KCNT1: variants seen among roughly 807,000 people sequenced by gnomAD.
KCNT1 encodes potassium sodium-activated channel subfamily T member 1, also known as potassium channel subfamily T member 1.
Under a neutral mutation model 147.8 loss-of-function variants are expected in KCNT1, and 78 were observed. The ratio of observed to expected loss-of-function variants is 0.53; its 90% CI spans 0.44 to 0.64. The LOEUF is 0.64. KCNT1 is among the 30% of genes least tolerant of loss of function. The pLI is 0.00. For synonymous variants in KCNT1, 867 were observed against 748.8 expected (o/e 1.16, Z -2.58); for missense variants, 1,419 against 1,750.3 (o/e 0.81, Z 3.38).
rs1465062344 is a variant in KCNT1, at chr9:135,730,769, C to T, written c.254+16049C>T. Reference sequence around the variant, plus strand: ...GGGAGGCCAAGGCAGGCAGATCTCTCGAGCTCAGGAGTTCCAGACCAGCCT... The same window carrying T: ...GGGAGGCCAAGGCAGGCAGATCTCTTGAGCTCAGGAGTTCCAGACCAGCCT... On this transcript the variant is annotated intron_variant, in intron 2 of 30. Coordinates refer to ENST00000371757, the MANE Select transcript of KCNT1 (RefSeq NM_020822.3). The surrounding 1 kb of genome is among the most constrained non-coding windows in gnomAD (Gnocchi z 4.7). Among the ~76,000 whole-genome samples, 2 of 151,966 alleles carry T rather than the reference C, an allele frequency of 1.3e-5. No individual in the cohort carries two copies. The highest frequency in any genetic ancestry group is 2.4e-5 in the African/African-American group (1 of 41,350).
chr9:135,772,776 CG>C lies in KCNT1; in HGVS notation c.2075del (p.Gly692AlafsTer37), dbSNP rs751987467. ...GGCCTACGCAGAGCGGCGGTGGGGG[CG>C]GGGGCAGCAAGCTGGCACTGCCCAC... The part of the protein sequence containing the change: ...HRPTQSGGGG[G>X]GSKLALPTEN... On this transcript the variant is annotated frameshift_variant, in exon 19 of 31. Coordinates refer to ENST00000371757, the MANE Select transcript of KCNT1 (RefSeq NM_020822.3). LOFTEE classifies it high-confidence loss of function. The C allele has an allele frequency of 6.7e-7, 1 of 1,485,972 alleles. No individual in the cohort carries two copies. Among genetic ancestry groups the C allele is most frequent in the Non-Finnish European group, 9.0e-7 (1 of 1,115,840 alleles). The allele number at this position is 1,485,972 out of a possible 1,614,324, so 92.0% of individuals were successfully genotyped here. A position where few individuals can be genotyped will look rare whatever the true frequency, so the allele number is the denominator to read the frequency against.
rs565565753 is a variant in KCNT1, at chr9:135,702,441, C to G, written c.110+73C>G. The G allele has an allele frequency of 2.1e-5, 25 of 1,208,296 alleles. No individual in the cohort carries two copies. The South Asian group carries it at 2.4e-4, about 11-fold the overall frequency. The allele number at this position is 1,208,296 out of a possible 1,614,324, so 74.8% of individuals were successfully genotyped here. On this transcript the variant is annotated intron_variant, in intron 1 of 30. Coordinates refer to ENST00000371757, the MANE Select transcript of KCNT1 (RefSeq NM_020822.3). Reference sequence around the variant, plus strand: ...TAAGACCCCCAAGTTCCCCCTCAGGCTCCCGCACCCTCCAGGACCCGCCAT... The same window carrying G: ...TAAGACCCCCAAGTTCCCCCTCAGGGTCCCGCACCCTCCAGGACCCGCCAT...
intron 27 of KCNT1, 37 bp downstream of exon 27, chr9:135,784,926 C>G (rs1833923341): frequency 1.2e-6 from 2 of 1,603,376 alleles, no homozygotes; most frequent in East Asian, 4.5e-5. Context: ...CTGTGGCAGC[C>G]CCTGTCCTGT....
At chr9:135,736,554 C>G (rs1166392568) in intron 2 of KCNT1, 1 of 150,870 alleles carries the variant, frequency 6.6e-6, no homozygotes, top group Non-Finnish European at 1.5e-5. Flanking sequence ...GAGGGCGCGG[C>G]GCGAGCTGAG....
intron 10 of KCNT1, 59 bp from the exon 11 acceptor site, chr9:135,759,620 G>A (rs1332293415): frequency 1.7e-5 from 26 of 1,526,464 alleles, no homozygotes; most frequent in East Asian, 2.3e-5. Flanking sequence ...GGATCTCTGA[G>A]GGGCCACGGC....
At chr9:135,716,691 T>C (rs574142927) in intron 2 of KCNT1, among the ~76,000 whole-genome samples, 2 of 152,068 alleles carry the variant, frequency 1.3e-5, no homozygotes, top group African/African-American at 4.8e-5. Context: ...TGTGTGCCGA[T>C]GGTATTAGGA....
At chr9:135,711,970 G>A (rs1274417448) in intron 1 of KCNT1, among the ~76,000 whole-genome samples, 4 of 152,216 alleles carry the variant, frequency 2.6e-5, no homozygotes, top group African/African-American at 4.8e-5. Flanking sequence ...CTCCCTTCAC[G>A]CATGAGCATA....
At chr9:135,702,801 A>G (rs1002452080) in intron 1 of KCNT1, among the ~76,000 whole-genome samples, 2 of 151,980 alleles carry the variant, frequency 1.3e-5, no homozygotes, top group African/African-American at 2.4e-5. Context: ...GTGCCCGGCG[A>G]GGTTACCCCA....
At chr9:135,764,463 AAAAAG>A (rs962524035) in intron 11 of KCNT1, among the ~76,000 whole-genome samples, 1 of 152,148 alleles carries the variant, frequency 6.6e-6, no homozygotes, top group African/African-American at 2.4e-5. Flanking sequence ...CCGTCTCAAA[AAAAAG>A]AAAAGCCAAA....
At position 135,714,727 on chromosome 9, in the gene KCNT1, A is replaced by G; in HGVS notation, c.254+7A>G. The G allele has an allele frequency of 7.3e-7, 1 of 1,377,854 alleles. No homozygotes were observed. Among genetic ancestry groups the G allele is most frequent in the Non-Finnish European group, 9.5e-7 (1 of 1,053,090 alleles). 85.4% of individuals were successfully genotyped at this position (1,377,854 alleles called of 1,614,324 possible). A position where few individuals can be genotyped will look rare whatever the true frequency, so the allele number is the denominator to read the frequency against. On this transcript the variant is annotated splice_region_variant and intron_variant, in intron 2 of 30. Coordinates refer to ENST00000371757, the MANE Select transcript of KCNT1 (RefSeq NM_020822.3). This position sits in a 1 kb window ranked among gnomAD's most constrained non-coding sequence, Gnocchi z 6.2. Reference sequence around the variant, plus strand: ...CCTTCCAGAACGACGACAGGTAGGGACCGGGCGCGGGGTGGGGGCTGGGGT... The same window carrying G: ...CCTTCCAGAACGACGACAGGTAGGGGCCGGGCGCGGGGTGGGGGCTGGGGT...
In KCNT1 at chr9:135,774,698, C is replaced by T. The variant is rs145134903; in HGVS notation, c.2244-612C>T. On this transcript the variant is annotated intron_variant, in intron 19 of 30. Transcript: ENST00000371757. ...CGTGCACGTGGTGCACGTGTGCATA[C>T]GCCTGCATGTGTTCATTTCTGTGCG... Among the ~76,000 whole-genome samples the T allele has an allele frequency of 2.0e-3, 301 of 152,012 alleles. 3 individuals carry two copies. The highest frequency in any genetic ancestry group is 6.2e-4 in the South Asian group (3 of 4,810).
Position 135,741,811 on chromosome 9 carries a change from A to G in KCNT1, c.255-8287A>G, listed in dbSNP as rs539423065. 1.6e-3 allele frequency among the ~76,000 whole-genome samples: 245 copies of G among 152,324 alleles called. 1 individual carries two copies. The highest frequency in any genetic ancestry group is 5.7e-3 in the African/African-American group (237 of 41,568). On this transcript the variant is annotated intron_variant, in intron 2 of 30. Transcript: ENST00000371757. ...CTCTGAACCTTTGTTTTCTTTTCTG[A>G]AAACATGGTTGTTTTGAGGATTAAA...
chr9:135,761,974 C>T (rs554422267), intron 11 of KCNT1, among the ~76,000 whole-genome samples: 3 of 152,380 alleles, frequency 2.0e-5, no homozygotes, highest in South Asian at 2.1e-4. Flanking sequence ...AGGAGCGAAG[C>T]GCTCTCTCCC....
intron 2 of KCNT1, among the ~76,000 whole-genome samples, chr9:135,726,103 AGGACT>A (rs1836127095): frequency 6.6e-6 from 1 of 151,794 alleles, no homozygotes; most frequent in African/African-American, 2.4e-5. Flanking sequence ...GGGCCGGCAA[AGGACT>A]GGGGAGAGGC....
intron 27 of KCNT1, among the ~76,000 whole-genome samples, 175 bp downstream of exon 27, chr9:135,785,064 C>T (rs889145266): frequency 6.6e-6 from 1 of 152,212 alleles, no homozygotes; most frequent in Non-Finnish European, 1.5e-5. Context: ...GCTGGCAGCT[C>T]CTTCCGTCTG....
Position 135,750,494 on chromosome 9 carries a change from C to G in KCNT1, c.334+317C>G, listed in dbSNP as rs976277758. On this transcript the variant is annotated intron_variant, in intron 3 of 30. Coordinates refer to ENST00000371757, the MANE Select transcript of KCNT1 (RefSeq NM_020822.3). The stretch of plus-strand genomic sequence containing the variant: ...CATCCATAGGTGCCAGCAAGGTCTC[C>G]CCTGTGGCCACGCCCTGCCTCCCAC... 1.0e-5 allele frequency: 5 copies of G among 491,690 alleles called. No individual in the cohort carries two copies. The Admixed American group carries it at 1.3e-4, about 13-fold the overall frequency. 30.5% of individuals were successfully genotyped at this position (491,690 alleles called of 1,614,324 possible).
intron 2 of KCNT1, among the ~76,000 whole-genome samples, chr9:135,745,510 G>A (rs965632291): frequency 1.3e-5 from 2 of 152,238 alleles, no homozygotes; most frequent in East Asian, 1.9e-4. Context: ...TTTGGCTGAC[G>A]TGGGTCCTGA....
intron 2 of KCNT1, among the ~76,000 whole-genome samples, chr9:135,729,148 AT>A (rs1284121702): frequency 6.6e-6 from 1 of 152,218 alleles, no homozygotes; most frequent in African/African-American, 2.4e-5. Context: ...GAGCAGTTGA[AT>A]TTGAATTAAT....
chr9:135,746,782 G>A (rs566194923), intron 2 of KCNT1, among the ~76,000 whole-genome samples: 35 of 152,162 alleles, frequency 2.3e-4, no homozygotes, highest in African/African-American at 8.4e-4. Context: ...TGGGGCGATG[G>A]TCAGGGCGGA....
Sources: allele counts gnomAD v4.1 joint callset (sites outside exome capture counted in the v4.1 genomes callset), GRCh38; gene constraint gnomAD v4.1.1; non-coding constraint Gnocchi (gnomAD v3.1); transcripts MANE v1.5; gene names NCBI Gene and HGNC (gene_info 2026-07-23, HGNC 2026-07-21).